The following RBFOX1 variants were observed in gnomAD, a reference collection of about 807,000 sequenced individuals.
RBFOX1 encodes RNA binding protein fox-1 homolog 1.
RBFOX1 carries 8 observed loss-of-function variants against 57.7 expected under a neutral mutation model. The ratio of observed to expected loss-of-function variants is 0.14; its 90% confidence interval spans 0.08 to 0.25. The LOEUF is 0.25. Ranked by LOEUF, RBFOX1 falls within the 10% of genes least tolerant of loss-of-function variation. RBFOX1 has a pLI of 1.00. For missense variants in RBFOX1, 611 were observed against 548.5 expected (o/e 1.11, Z -1.14); for synonymous variants, 326 against 222.4 (o/e 1.47, Z -4.15).
rs146235058 is a variant in RBFOX1, at chr16:5,489,235, T to A, written c.258+21981T>A. ...TTCTTTCCTGTTCTCCTCTCATGCT[T>A]CCCTTGGCTGTGGCTAACCCTGTGC... On this transcript the variant is annotated intron_variant, in intron 2 of 2. Transcript: ENST00000585867. Among the ~76,000 whole-genome samples, 4 of 152,356 alleles carry A rather than the reference T, an allele frequency of 2.6e-5. No homozygotes were observed. The East Asian group carries it at 7.7e-4, about 29-fold the overall frequency.
chr16:7,543,007 C>G (rs1282649961), intron 5 of RBFOX1, among the ~76,000 whole-genome samples: 1 of 152,138 alleles, frequency 6.6e-6, no homozygotes, highest in African/African-American at 2.4e-5. Context: ...GTCCACCGCT[C>G]TAGGTTGCAT....
chr16:5,867,290 G>T (rs1408569199), intron 3 of RBFOX1: 4 of 1,196,008 alleles, frequency 3.3e-6, no homozygotes, highest in Non-Finnish European at 4.2e-6. Context: ...GTCTTTTTTT[G>T]TTTAACTTGC....
chr16:6,395,909 A>G (rs979040847), intron 2 of RBFOX1, among the ~76,000 whole-genome samples: 1 of 151,824 alleles, frequency 6.6e-6, no homozygotes, highest in African/African-American at 2.4e-5. Flanking sequence ...CTGCTAAAAT[A>G]CAAAAAATTA....
At chr16:7,283,148 T>G (rs984872494) in intron 4 of RBFOX1, among the ~76,000 whole-genome samples, 4 of 152,132 alleles carry the variant, frequency 2.6e-5, no homozygotes, top group Non-Finnish European at 5.9e-5. Context: ...ATGGTAGTTC[T>G]ACATTTAGGT....
chr16:7,682,652 A>G (rs937802635), intron 14 of RBFOX1, among the ~76,000 whole-genome samples: 3 of 151,448 alleles, frequency 2.0e-5, no homozygotes, highest in Admixed American at 1.3e-4. Flanking sequence ...ATAAGAATGT[A>G]GCAGAAATGA....
chr16:6,593,896 C>T (rs1433741964), intron 2 of RBFOX1, among the ~76,000 whole-genome samples: 1 of 152,198 alleles, frequency 6.6e-6, no homozygotes, highest in Non-Finnish European at 1.5e-5. Flanking sequence ...GCTTGTCTCT[C>T]ATTGCCTAGC....
chr16:6,620,044 C>G (rs1213576685), intron 2 of RBFOX1, among the ~76,000 whole-genome samples: 2 of 152,256 alleles, frequency 1.3e-5, no homozygotes, highest in East Asian at 3.9e-4. Flanking sequence ...TAATCTTATT[C>G]TTTCTTATGG....
intron 4 of RBFOX1, among the ~76,000 whole-genome samples, chr16:7,080,828 C>T (rs1004330479): frequency 1.3e-5 from 2 of 152,180 alleles, no homozygotes; most frequent in African/African-American, 2.4e-5. Context: ...TTTTCGCTGT[C>T]ACTTTGCCTC....
intron 2 of RBFOX1, among the ~76,000 whole-genome samples, chr16:6,385,212 G>T (rs995983337): frequency 1.3e-5 from 2 of 152,266 alleles, no homozygotes; most frequent in South Asian, 2.1e-4. Context: ...AAGCTTTTTC[G>T]TATTTAAATA....
At chr16:6,161,709 T>C (rs1056567693) in intron 1 of RBFOX1, among the ~76,000 whole-genome samples, 2 of 151,980 alleles carry the variant, frequency 1.3e-5, no homozygotes, top group African/African-American at 4.8e-5. Flanking sequence ...AAAAAGTCAT[T>C]GTCATCTACA....
intron 3 of RBFOX1, among the ~76,000 whole-genome samples, chr16:6,847,639 C>T (rs1306391282): frequency 6.6e-6 from 1 of 151,986 alleles, no homozygotes; most frequent in African/African-American, 2.4e-5. Flanking sequence ...GAATTGCTGC[C>T]AGTAATTCAG....
At chr16:7,369,265 T>C (rs2097525427) in intron 4 of RBFOX1, among the ~76,000 whole-genome samples, 1 of 151,666 alleles carries the variant, frequency 6.6e-6, no homozygotes, top group Non-Finnish European at 1.5e-5. Context: ...TTCCTGCAGC[T>C]CTCGGGGGCT....
chr16:6,747,164 C>G (rs866902228), intron 3 of RBFOX1, among the ~76,000 whole-genome samples: 2 of 152,182 alleles, frequency 1.3e-5, no homozygotes, highest in Non-Finnish European at 2.9e-5. Context: ...AATCCCAACA[C>G]TTTGGGAGAC....
chr16:7,565,561 A>G (rs2091476153), intron 5 of RBFOX1, among the ~76,000 whole-genome samples: 2 of 152,192 alleles, frequency 1.3e-5, no homozygotes, highest in Non-Finnish European at 2.9e-5. Flanking sequence ...TGGCTAAATC[A>G]AGACCGCTCT....
intron 2 of RBFOX1, among the ~76,000 whole-genome samples, chr16:6,638,825 G>T (rs1030164984): frequency 6.6e-6 from 1 of 152,182 alleles, no homozygotes; most frequent in African/African-American, 2.4e-5. Flanking sequence ...GGTCTTGTCA[G>T]TTACTTAAGG....
chr16:6,394,087 A>G (rs996124137), intron 2 of RBFOX1, among the ~76,000 whole-genome samples: 4 of 152,334 alleles, frequency 2.6e-5, no homozygotes, highest in Admixed American at 6.5e-5. Context: ...ATGACTGTGC[A>G]TCTCCACTGC....
intron 3 of RBFOX1, among the ~76,000 whole-genome samples, chr16:6,798,766 A>G (rs1248036319): frequency 6.6e-6 from 1 of 152,196 alleles, no homozygotes; most frequent in Non-Finnish European, 1.5e-5. Flanking sequence ...CAAATGGAGT[A>G]AAAGTAAAGT....
chr16:6,226,781 C>T (rs2097421592), intron 1 of RBFOX1, among the ~76,000 whole-genome samples: 2 of 151,880 alleles, frequency 1.3e-5, no homozygotes, highest in Admixed American at 1.3e-4. Flanking sequence ...CAGTATATGC[C>T]TCATGTGTTT....
At chr16:5,830,617 G>C (rs527620072) in intron 3 of RBFOX1, among the ~76,000 whole-genome samples, 1 of 152,142 alleles carries the variant, frequency 6.6e-6, no homozygotes, top group Non-Finnish European at 1.5e-5. Flanking sequence ...GGTGAGAAAA[G>C]ATGTATGGGA....
Sources: gnomAD v4.1 joint callset for allele counts (sites outside exome capture counted in the v4.1 genomes callset) on GRCh38, gnomAD v4.1.1 for gene constraint, MANE v1.5 for transcripts, NCBI Gene and HGNC (gene_info 2026-07-23, HGNC 2026-07-21) for gene names.